The following TDRD3 variants were observed in gnomAD, a reference collection of about 807,000 sequenced individuals.
TDRD3 encodes tudor domain containing 3.
TDRD3 carries 45 observed loss-of-function variants against 86.7 expected under a neutral mutation model. The ratio of observed to expected loss-of-function variants is 0.52; its 90% CI spans 0.41 to 0.67. The LOEUF (loss-of-function observed/expected upper bound fraction) is 0.67, where lower values mean the gene tolerates loss of function less well. Ranked by LOEUF, TDRD3 falls within the 30% of genes least tolerant of loss-of-function variation. TDRD3 has a pLI of 0.00. For synonymous variants in TDRD3, 298 were observed against 301.7 expected, an observed-to-expected ratio of 0.99 and a Z score of 0.13; for missense variants, 814 against 889.0, an observed-to-expected ratio of 0.92 and a Z score of 1.07.
chr13:60,401,769 G>A (rs1265774331), intron 1 of TDRD3, among the ~76,000 whole-genome samples: 1 of 152,046 alleles, frequency 6.6e-6, no homozygotes, highest in Non-Finnish European at 1.5e-5. Flanking sequence ...TCCCCTTTGG[G>A]GTTATCTCCA....
At chr13:60,419,172 A>G (rs1954596377) in intron 1 of TDRD3, among the ~76,000 whole-genome samples, 2 of 152,226 alleles carry the variant, frequency 1.3e-5, no homozygotes, top group Non-Finnish European at 2.9e-5. Context: ...TCCAACCAAC[A>G]GTGTATGAGA....
At chr13:60,482,964 T>G (rs1395003419) in intron 5 of TDRD3, among the ~76,000 whole-genome samples, 1 of 151,922 alleles carries the variant, frequency 6.6e-6, no homozygotes, top group African/African-American at 2.4e-5. Flanking sequence ...GTAAGACAAA[T>G]GTATGTATAT....
At chr13:60,466,111 A>C (rs964885915) in intron 4 of TDRD3, among the ~76,000 whole-genome samples, 1 of 152,180 alleles carries the variant, frequency 6.6e-6, no homozygotes, top group Non-Finnish European at 1.5e-5. Flanking sequence ...AAAAATTAGC[A>C]TATAAAAATC....
intron 10 of TDRD3, among the ~76,000 whole-genome samples, chr13:60,511,078 C>T (rs1957049167): frequency 6.6e-6 from 1 of 151,870 alleles, no homozygotes; most frequent in Admixed American, 6.6e-5. Context: ...ACTTATTTTG[C>T]TTGTGAAATT....
intron 1 of TDRD3, among the ~76,000 whole-genome samples, chr13:60,405,701 C>T (rs1473025768): frequency 6.6e-6 from 1 of 152,142 alleles, no homozygotes; most frequent in Non-Finnish European, 1.5e-5. Flanking sequence ...GGTCACATAG[C>T]TTGGACCTTG....
At chr13:60,557,819 G>GTTTTTTTTTTTTTT (rs1491187240) in intron 12 of TDRD3, among the ~76,000 whole-genome samples, 3 of 89,930 alleles carry the variant, frequency 3.3e-5, no homozygotes, top group Non-Finnish European at 7.7e-5. Context: ...TTTTTTTCCT[G>GTTTTTTTTTTTTTT]ATTTTTTTTT....
intron 10 of TDRD3, among the ~76,000 whole-genome samples, chr13:60,525,753 CT>C (rs1412733539): frequency 3.9e-5 from 6 of 152,032 alleles, no homozygotes; most frequent in Admixed American, 3.9e-4. Flanking sequence ...TAAGATAGTA[CT>C]TTTGATGTAA....
chr13:60,400,241 G>A (rs1954057744), intron 1 of TDRD3, among the ~76,000 whole-genome samples: 1 of 152,132 alleles, frequency 6.6e-6, no homozygotes, highest in South Asian at 2.1e-4. Flanking sequence ...CTGCATTTTT[G>A]TTTTCTCTCT....
intron 1 of TDRD3, among the ~76,000 whole-genome samples, chr13:60,404,283 G>T (rs191984718): frequency 8.1e-5 from 12 of 149,000 alleles, no homozygotes; most frequent in Non-Finnish European, 7.4e-5. Context: ...CAAATAATTC[G>T]TTTTTGTTGT....
chr13:60,551,008 T>C (rs1236898576), intron 12 of TDRD3, among the ~76,000 whole-genome samples: 1 of 152,194 alleles, frequency 6.6e-6, no homozygotes. Flanking sequence ...GGATAATTCG[T>C]GTTTGACAGT....
intron 8 of TDRD3, among the ~76,000 whole-genome samples, chr13:60,494,904 G>C (rs927911034): frequency 7.9e-5 from 12 of 152,074 alleles, no homozygotes; most frequent in Non-Finnish European, 1.6e-4. Flanking sequence ...GTCAAATTTT[G>C]TCTAAAGTGA....
At chr13:60,470,639 A>G (rs1046497295) in intron 5 of TDRD3, among the ~76,000 whole-genome samples, 39 of 150,304 alleles carry the variant, frequency 2.6e-4, no homozygotes, top group African/African-American at 9.1e-4. Context: ...GCTGGAGTAC[A>G]ATGGCACGAT....
rs980762180 is a variant in TDRD3 at position 60,419,707 on chromosome 13, G to T, written c.42-19981G>T. Among the ~76,000 whole-genome samples, 10 of 151,958 alleles carry T rather than the reference G, an allele frequency of 6.6e-5. No individual in the cohort carries two copies. In the South Asian group the frequency reaches 1.9e-3, roughly 28 times the overall value. ...TGTGGGGCTTAAAACCTAGATGATG[G>T]GTTGATAGATGCAGCAAACCACCAT... On this transcript the variant is annotated intron_variant, in intron 1 of 13. Coordinates refer to ENST00000377881, the MANE Select transcript of TDRD3 (RefSeq NM_001146070.2).
intron 1 of TDRD3, among the ~76,000 whole-genome samples, chr13:60,433,698 C>T (rs1054961195): frequency 5.3e-5 from 8 of 152,240 alleles, no homozygotes; most frequent in African/African-American, 7.2e-5. Context: ...GGCTTGTACA[C>T]TGCTTTACGG....
intron 6 of TDRD3, chr13:60,484,618 TTAAA>T (rs1477955807): frequency 2.3e-6 from 1 of 430,080 alleles, no homozygotes; most frequent in Non-Finnish European, 4.6e-6. Context: ...ATACTCTCAC[TTAAA>T]TAAGTCATTT....
intron 10 of TDRD3, among the ~76,000 whole-genome samples, chr13:60,511,218 T>C (rs1395669662): frequency 2.0e-5 from 3 of 152,214 alleles, no homozygotes; most frequent in Admixed American, 2.0e-4. Context: ...GAAGTAAGTA[T>C]GGTAAATATG....
chr13:60,527,785 C>G (rs921149085), intron 10 of TDRD3, among the ~76,000 whole-genome samples: 1 of 152,074 alleles, frequency 6.6e-6, no homozygotes, highest in African/African-American at 2.4e-5. Flanking sequence ...TTTAACAGAT[C>G]AAGAAAATTA....
At position 60,460,482 on chromosome 13, in the gene TDRD3, A is replaced by T. The variant is rs759243233; in HGVS notation, c.295A>T (p.Met99Leu). The change falls in exon 4 of 14, where the codon ATG becomes TTG. Residue 99 changes from methionine (M) to leucine (L), a missense_variant. Coordinates refer to ENST00000377881, the MANE Select transcript of TDRD3 (RefSeq NM_001146070.2). ...TGCACCAAGGATGCTGCGATTACAGATGACTGATGGTCATATAAGTTGCAC... is the reference window on the plus strand; with the variant it reads ...TGCACCAAGGATGCTGCGATTACAGTTGACTGATGGTCATATAAGTTGCAC... ...QAAPRMLRLQ[M>L]TDGHISCTAV... The T allele has an allele frequency of 1.3e-6, 2 of 1,588,262 alleles. No homozygotes were observed. The highest frequency in any genetic ancestry group is 1.7e-6 in the Non-Finnish European group (2 of 1,172,604).
At chr13:60,522,095 T>C (rs1228817525) in intron 10 of TDRD3, among the ~76,000 whole-genome samples, 6 of 152,078 alleles carry the variant, frequency 3.9e-5, no homozygotes, top group Non-Finnish European at 8.8e-5. Context: ...AATTAAAGGA[T>C]GTAGAGAATA....
Sources: allele counts gnomAD v4.1 joint callset (sites outside exome capture counted in the v4.1 genomes callset), GRCh38; gene constraint gnomAD v4.1.1; transcripts MANE v1.5; gene names NCBI Gene and HGNC (gene_info 2026-07-23, HGNC 2026-07-21).